Variants in NECTIN2 observed in about 807,000 individuals in gnomAD.
NECTIN2 encodes nectin cell adhesion molecule 2, also known as nectin-2.
In NECTIN2, 23 loss-of-function variants were observed where a neutral mutation model predicts 56.9. That is an observed-to-expected ratio of 0.40 (90% CI 0.29 to 0.57). The LOEUF (loss-of-function observed/expected upper bound fraction) is 0.57. Among genes scored for constraint, NECTIN2 ranks in the 20% least tolerant of loss-of-function variants. The pLI, the probability that NECTIN2 is intolerant of heterozygous loss-of-function variation, is 0.38. For synonymous variants in NECTIN2, 302 were observed against 313.8 expected, an observed-to-expected ratio of 0.96 and a Z score of 0.40; for missense variants, 587 against 718.3, an observed-to-expected ratio of 0.82 and a Z score of 2.09.
intron 1 of NECTIN2, among the ~76,000 whole-genome samples, chr19:44,855,418 C>T (rs1051623667): frequency 6.6e-6 from 1 of 151,604 alleles, no homozygotes; most frequent in African/African-American, 2.4e-5. Flanking sequence ...GAGTGAGAAT[C>T]TGTCTCAAAA....
chr19:44,855,208 G>A (rs1362346159), intron 1 of NECTIN2, among the ~76,000 whole-genome samples: 3 of 151,124 alleles, frequency 2.0e-5, no homozygotes, highest in Non-Finnish European at 2.9e-5. Context: ...GGCAGATCAC[G>A]AGGTCAGGAG....
At chr19:44,862,196 C>T (rs968329726) in intron 1 of NECTIN2, among the ~76,000 whole-genome samples, 3 of 152,066 alleles carry the variant, frequency 2.0e-5, no homozygotes, top group South Asian at 2.1e-4. Flanking sequence ...CGGCGGATCA[C>T]GAGGTCAGGA....
chr19:44,865,167 C>G lies in NECTIN2; in HGVS notation c.89-104C>G. ...GCTGCGAAGCTGCCTACGTTGCATG[C>G]GGAGCCTGCATTTCCCGTGGGGCCC... On this transcript the variant is annotated intron_variant, in intron 1 of 8. Coordinates refer to ENST00000252483, the MANE Select transcript of NECTIN2 (RefSeq NM_001042724.2). The surrounding 1 kb of genome is among the most constrained non-coding windows in gnomAD (Gnocchi z 5.2). 2 of 1,267,714 alleles carry G rather than the reference C, an allele frequency of 1.6e-6. No homozygotes were observed. The highest frequency in any genetic ancestry group is 2.2e-6 in the Non-Finnish European group (2 of 915,410). 78.5% of individuals were successfully genotyped at this position (1,267,714 alleles called of 1,614,324 possible).
Position 44,865,713 on chromosome 19 carries a change from G to A in NECTIN2, c.478+53G>A. ...GAGGTGGGAGGGCCGCGGTGTGGGAGCATCCCCTTGCGGGTCAGTTTCTCT... is the reference window on the plus strand; with the variant it reads ...GAGGTGGGAGGGCCGCGGTGTGGGAACATCCCCTTGCGGGTCAGTTTCTCT... On this transcript the variant is annotated intron_variant, in intron 2 of 8. Coordinates refer to ENST00000252483, the MANE Select transcript of NECTIN2 (RefSeq NM_001042724.2). This position sits in a 1 kb window ranked among gnomAD's most constrained non-coding sequence, Gnocchi z 5.2. 6.9e-7 allele frequency: 1 copy of A among 1,451,106 alleles called. No individual in the cohort carries two copies. The highest frequency in any genetic ancestry group is 2.2e-4 in the Middle Eastern group (1 of 4,590). 89.9% of individuals were successfully genotyped at this position (1,451,106 alleles called of 1,614,324 possible).
chr19:44,850,334 G>C (rs1406068810), intron 1 of NECTIN2, among the ~76,000 whole-genome samples: 1 of 152,076 alleles, frequency 6.6e-6, no homozygotes, highest in Non-Finnish European at 1.5e-5. Context: ...CTAAGAGACA[G>C]CAGGGATACC....
chr19:44,846,473 C>T lies in NECTIN2; in HGVS notation c.-53C>T. On this transcript the variant is annotated 5_prime_UTR_variant, in exon 1 of 9. Transcript: ENST00000252483. ...CTAAACCGCCCAGCCGATCGGCCCCCACAGAGTGGCCCGCGGGCCTCCGGC... is the reference window on the plus strand; with the variant it reads ...CTAAACCGCCCAGCCGATCGGCCCCTACAGAGTGGCCCGCGGGCCTCCGGC... 1 of 1,418,106 alleles carries T rather than the reference C, an allele frequency of 7.1e-7. No individual in the cohort carries two copies. The highest frequency in any genetic ancestry group is 1.5e-5 in the South Asian group (1 of 66,684). 87.8% of individuals were successfully genotyped at this position (1,418,106 alleles called of 1,614,324 possible).
intron 5 of NECTIN2, among the ~76,000 whole-genome samples, chr19:44,880,168 T>G (rs1211141284): frequency 1.3e-5 from 2 of 152,182 alleles, no homozygotes; most frequent in South Asian, 2.1e-4. Flanking sequence ...GGTTGTTTGT[T>G]GTCTGTACTC....
At chr19:44,864,610 G>C (rs1969074667) in intron 1 of NECTIN2, among the ~76,000 whole-genome samples, 1 of 152,162 alleles carries the variant, frequency 6.6e-6, no homozygotes, top group Non-Finnish European at 1.5e-5. Flanking sequence ...CACGAGGTCA[G>C]GAGATTGAGA....
chr19:44,888,117 C>G lies in NECTIN2; in HGVS notation c.1355C>G (p.Pro452Arg), dbSNP rs1969380856. The change falls in exon 9 of 9, where the codon CCT (proline) becomes CGT (arginine). Residue 452 changes from proline to arginine, a missense_variant. By Grantham distance (103) the Pro-to-Arg change is moderately radical. Transcript: ENST00000252483. ...TCCTCTCTCTACCTCCAGGAAATGC[C>G]TCGATACCATGAGCTGCCCACCTTG... ...AGASCTEQEM[P>R]RYHELPTLEE... 6.2e-7 allele frequency: 1 copy of G among 1,611,628 alleles called. No homozygotes were observed. Among genetic ancestry groups the G allele is most frequent in the African/African-American group, 1.3e-5 (1 of 74,828 alleles).
At chr19:44,867,314 G>A (rs511147) in intron 2 of NECTIN2, among the ~76,000 whole-genome samples, 101,479 of 151,690 alleles carry the variant, frequency 0.67, 34,827 homozygotes, top group East Asian at 0.89. Context: ...GAGCCACTGA[G>A]CCTGGCCAGG....
chr19:44,870,524 A>AT (rs1245238785), intron 2 of NECTIN2, among the ~76,000 whole-genome samples: 2 of 151,716 alleles, frequency 1.3e-5, no homozygotes, highest in African/African-American at 2.4e-5. Context: ...TGTTTTTGTG[A>AT]TTTTTTTCCA....
In NECTIN2 at chr19:44,871,158, G is replaced by A. The variant is rs148022107; in HGVS notation, c.479-695G>A. Among the ~76,000 whole-genome samples the A allele has an allele frequency of 1.9e-3, 284 of 152,208 alleles. 1 individual carries two copies. Among genetic ancestry groups the A allele is most frequent in the African/African-American group, 6.5e-3 (270 of 41,532 alleles). ...TGGTATTGCAGGTGTGAACCACCACGCCCGACCAGCTTTTTTTTAAATCTC... is the reference window on the plus strand; with the variant it reads ...TGGTATTGCAGGTGTGAACCACCACACCCGACCAGCTTTTTTTTAAATCTC... On this transcript the variant is annotated intron_variant, in intron 2 of 8. Coordinates refer to ENST00000252483, the MANE Select transcript of NECTIN2 (RefSeq NM_001042724.2).
At chr19:44,846,969 C>A (rs965953005) in intron 1 of NECTIN2, among the ~76,000 whole-genome samples, 1 of 152,078 alleles carries the variant, frequency 6.6e-6, no homozygotes, top group Non-Finnish European at 1.5e-5. Flanking sequence ...AGTAGTTCAC[C>A]CGGATCTGGG....
In NECTIN2 at chr19:44,874,667, T is replaced by G. The variant is rs1363644213; in HGVS notation, c.1042+189T>G. On this transcript the variant is annotated intron_variant, in intron 5 of 8. Coordinates refer to ENST00000252483, the MANE Select transcript of NECTIN2 (RefSeq NM_001042724.2). This position sits in a 1 kb window ranked among gnomAD's most constrained non-coding sequence, Gnocchi z 6.3. Reference sequence around the variant, plus strand: ...CTCAGACTGGGGTCTGGATTTGGGGTGTCGGGGTAGGTGAAGGCAGCAGAG... The same window carrying G: ...CTCAGACTGGGGTCTGGATTTGGGGGGTCGGGGTAGGTGAAGGCAGCAGAG... The G allele has an allele frequency of 1.3e-5, 9 of 677,792 alleles. No individual in the cohort carries two copies. The East Asian group carries it at 2.5e-4, about 19-fold the overall frequency. The allele number at this position is 677,792 out of a possible 1,614,324, so 42.0% of individuals were successfully genotyped here.
chr19:44,855,615 C>T (rs1429239469), intron 1 of NECTIN2, among the ~76,000 whole-genome samples: 2 of 152,098 alleles, frequency 1.3e-5, no homozygotes, highest in Non-Finnish European at 2.9e-5. Context: ...CACCCCTACT[C>T]CGTCTTCCAG....
At chr19:44,857,574 A>T (rs1224456148) in intron 1 of NECTIN2, among the ~76,000 whole-genome samples, 1 of 151,466 alleles carries the variant, frequency 6.6e-6, no homozygotes, top group Non-Finnish European at 1.5e-5. Flanking sequence ...GGTAATGTTT[A>T]TTTTTTTAGT....
intron 5 of NECTIN2, among the ~76,000 whole-genome samples, chr19:44,877,688 GC>G (rs1323674973): frequency 1.3e-5 from 2 of 152,190 alleles, no homozygotes; most frequent in Non-Finnish European, 2.9e-5. Flanking sequence ...AGGGGGTGTG[GC>G]CCCCAAGCTC....
chr19:44,888,395 G>A lies in NECTIN2; in HGVS notation c.*16G>A, dbSNP rs753434156. The A allele has an allele frequency of 4.4e-6, 7 of 1,603,974 alleles. No homozygotes were observed. In the Admixed American group the frequency reaches 6.7e-5, roughly 15 times the overall value. On this transcript the variant is annotated 3_prime_UTR_variant, in exon 9 of 9. Transcript: ENST00000252483. ...GTATGTGTGAGCTGCCATGCGCCTG[G>A]CGTCTCACATCTCACCTGTTGATCC...
chr19:44,853,234 TC>T (rs1260361707), intron 1 of NECTIN2, among the ~76,000 whole-genome samples: 1 of 151,844 alleles, frequency 6.6e-6, no homozygotes, highest in African/African-American at 2.4e-5. Flanking sequence ...TCTCCCTCTG[TC>T]CCCCCAGCTG....
Sources: allele counts gnomAD v4.1 joint callset (sites outside exome capture counted in the v4.1 genomes callset), GRCh38; gene constraint gnomAD v4.1.1; non-coding constraint Gnocchi (gnomAD v3.1); transcripts MANE v1.5; gene names NCBI Gene and HGNC (gene_info 2026-07-23, HGNC 2026-07-21).